The following KLHL14 variants were observed in gnomAD, a reference collection of about 807,000 sequenced individuals.
KLHL14 encodes kelch-like protein 14.
Under a neutral mutation model 64.3 loss-of-function variants are expected in KLHL14, and 22 were observed. The observed-to-expected ratio is 0.34, with a 90% CI of 0.24 to 0.49. The LOEUF (loss-of-function observed/expected upper bound fraction) is 0.49, where lower values mean the gene tolerates loss of function less well. KLHL14 is among the 20% of genes least tolerant of loss of function. The pLI, the probability that KLHL14 is intolerant of heterozygous loss-of-function variation, is 0.99. For missense variants in KLHL14, 661 were observed against 789.0 expected (o/e 0.84, Z 1.94); for synonymous variants, 322 against 333.4 (o/e 0.97, Z 0.37).
At chr18:32,748,219 TTTA>T (rs2050233451) in intron 2 of KLHL14, among the ~76,000 whole-genome samples, 1 of 152,152 alleles carries the variant, frequency 6.6e-6, no homozygotes, top group Non-Finnish European at 1.5e-5. Flanking sequence ...TTTTATTTAT[TTTA>T]TTTTTTTGAG....
chr18:32,707,124 C>T (rs902968649), intron 3 of KLHL14, among the ~76,000 whole-genome samples: 2 of 152,180 alleles, frequency 1.3e-5, no homozygotes, highest in Non-Finnish European at 2.9e-5. Context: ...GTGGGTATAG[C>T]CCATGGGGCA....
At chr18:32,696,689 G>A (rs2049938342) in intron 3 of KLHL14, among the ~76,000 whole-genome samples, 1 of 152,082 alleles carries the variant, frequency 6.6e-6, no homozygotes, top group African/African-American at 2.4e-5. Context: ...GCCAATGCAG[G>A]GAGAGAGAAA....
intron 2 of KLHL14, among the ~76,000 whole-genome samples, chr18:32,759,594 CA>C (rs2050303141): frequency 6.6e-6 from 1 of 152,140 alleles, no homozygotes; most frequent in Non-Finnish European, 1.5e-5. Flanking sequence ...CAAGGAGAAG[CA>C]GCTTGTAAGT....
chr18:32,770,325 C>T lies in KLHL14; in HGVS notation c.267G>A (p.Gln89=). The change falls in exon 2 of 9, where the codon CAG becomes CAA. Residue 89 remains glutamine (Q), a synonymous_variant. Coordinates refer to ENST00000359358, the MANE Select transcript of KLHL14 (RefSeq NM_020805.3). The surrounding 1 kb of genome is among the most constrained non-coding windows in gnomAD (Gnocchi z 6.7). ...GAPKDQQQPP[Q]QQPSQQQQPP... is the part of the protein sequence containing the mutation. Reference sequence around the variant, plus strand: ...GCTGCTGCTGCTGTGACGGCTGCTGCTGCGGCGGCTGCTGCTGGTCCTTGG... The same window carrying T: ...GCTGCTGCTGCTGTGACGGCTGCTGTTGCGGCGGCTGCTGCTGGTCCTTGG... 4.4e-6 allele frequency: 7 copies of T among 1,583,518 alleles called. No homozygotes were observed. The highest frequency in any genetic ancestry group is 6.0e-6 in the Non-Finnish European group (7 of 1,165,272).
At chr18:32,685,448 C>T (rs1015803351) in intron 5 of KLHL14, among the ~76,000 whole-genome samples, 18 of 152,200 alleles carry the variant, frequency 1.2e-4, no homozygotes, top group African/African-American at 4.3e-4. Flanking sequence ...GATGACATTT[C>T]AAACATGTAT....
chr18:32,735,634 C>T (rs1353745337), intron 3 of KLHL14, among the ~76,000 whole-genome samples: 1 of 152,232 alleles, frequency 6.6e-6, no homozygotes. Context: ...GTAATATTCC[C>T]CATGACTCCT....
chr18:32,758,100 T>C (rs2050291473), intron 2 of KLHL14, among the ~76,000 whole-genome samples: 4 of 152,034 alleles, frequency 2.6e-5, no homozygotes, highest in Admixed American at 1.3e-4. Context: ...CTCTCTCTCT[T>C]TTGTATCTTT....
Position 32,770,875 on chromosome 18 carries a change from T to C in KLHL14, c.-43-241A>G. 1 of 471,098 alleles carries C rather than the reference T, an allele frequency of 2.1e-6. No individual in the cohort carries two copies. The highest frequency in any genetic ancestry group is 2.8e-5 in the South Asian group (1 of 35,386). The allele number at this position is 471,098 out of a possible 1,614,324, so 29.2% of individuals were successfully genotyped here. A position where few individuals can be genotyped will look rare whatever the true frequency, so the allele number is the denominator to read the frequency against. On this transcript the variant is annotated intron_variant, in intron 1 of 8. Coordinates refer to ENST00000359358, the MANE Select transcript of KLHL14 (RefSeq NM_020805.3). This position sits in a 1 kb window ranked among gnomAD's most constrained non-coding sequence, Gnocchi z 6.7. ...GGGTCCCGGCGCCGGTTCTGCGCCC[T>C]GCGGCTCCTCTCGCCACCTCCCACA...
chr18:32,764,883 A>AC (rs1271504422), intron 2 of KLHL14, among the ~76,000 whole-genome samples: 2 of 151,762 alleles, frequency 1.3e-5, no homozygotes, highest in East Asian at 3.9e-4. Context: ...CAACTCTCCT[A>AC]ATTTTTTTTT....
intron 3 of KLHL14, among the ~76,000 whole-genome samples, chr18:32,720,438 C>A (rs988714346): frequency 1.3e-5 from 2 of 152,074 alleles, no homozygotes; most frequent in African/African-American, 4.8e-5. Context: ...TTTCTCCCAA[C>A]AGAGAACAAC....
chr18:32,733,889 C>T lies in KLHL14; in HGVS notation c.1069+8039G>A, dbSNP rs2050149505. 6 of 408,900 alleles carry T rather than the reference C, an allele frequency of 1.5e-5. No individual in the cohort carries two copies. In the South Asian group the frequency reaches 2.6e-4, roughly 18 times the overall value. The allele number at this position is 408,900 out of a possible 1,614,324, so 25.3% of individuals were successfully genotyped here. ...CGGTCTTTCCAAATGAACGTGTTTA[C>T]TGGGGTGATCCTGTCCCTATTCCAT... is the stretch of plus-strand genomic sequence containing the variant. On this transcript the variant is annotated intron_variant, in intron 3 of 8. Transcript: ENST00000359358.
Position 32,673,171 on chromosome 18 carries a change from A to G in KLHL14, c.*1486T>C, listed in dbSNP as rs1308968845. The G allele has an allele frequency of 6.6e-6, 1 of 152,590 alleles. No homozygotes were observed. Among genetic ancestry groups the G allele is most frequent in the Non-Finnish European group, 1.5e-5 (1 of 68,028 alleles). The allele number at this position is 152,590 out of a possible 1,614,324, so 9.5% of individuals were successfully genotyped here. ...ACAAAAACAACGAAGATTGCACTTTACTGTAGAAACGGCATCGGATTCCAG... is the reference window on the plus strand; with the variant it reads ...ACAAAAACAACGAAGATTGCACTTTGCTGTAGAAACGGCATCGGATTCCAG... On this transcript the variant is annotated 3_prime_UTR_variant, in exon 9 of 9. Coordinates refer to ENST00000359358, the MANE Select transcript of KLHL14 (RefSeq NM_020805.3).
At chr18:32,719,618 T>G (rs1395661133) in intron 3 of KLHL14, among the ~76,000 whole-genome samples, 2 of 152,232 alleles carry the variant, frequency 1.3e-5, no homozygotes, top group African/African-American at 4.8e-5. Flanking sequence ...GCTCTTGTCG[T>G]TTAGGCACTA....
chr18:32,748,787 G>A (rs2050237700), intron 2 of KLHL14, among the ~76,000 whole-genome samples: 1 of 152,094 alleles, frequency 6.6e-6, no homozygotes, highest in African/African-American at 2.4e-5. Context: ...ACTGGGCCTG[G>A]CCTCTTTGCC....
rs773002603 is a variant in KLHL14, at chr18:32,769,714, A to T, written c.878T>A (p.Leu293Gln). The T allele has an allele frequency of 6.3e-7, 1 of 1,579,700 alleles. No individual in the cohort carries two copies. The highest frequency in any genetic ancestry group is 1.3e-5 in the African/African-American group (1 of 74,154). Residue 293 changes from leucine (L) to glutamine (Q), a missense_variant, in exon 2 of 9, where the codon CTG becomes CAG. Leu to Gln is a moderately radical substitution (Grantham distance 113, BLOSUM62 -2). Coordinates refer to ENST00000359358, the MANE Select transcript of KLHL14 (RefSeq NM_020805.3). Reference protein sequence around the residue: ...FMRTDPVCQKLLLDAMNYHLM... With the variant: ...FMRTDPVCQKQLLDAMNYHLM... ...GTGGTAGTTCATGGCGTCCAGCAGC[A>T]GCTTCTGGCAGACCGGGTCGGTTCG...
At chr18:32,693,731 A>C (rs1330858922) in intron 4 of KLHL14, among the ~76,000 whole-genome samples, 1 of 152,140 alleles carries the variant, frequency 6.6e-6, no homozygotes, top group African/African-American at 2.4e-5. Context: ...CATTTCTCAC[A>C]GCATATTCAC....
chr18:32,693,411 C>CAGAGAGAG (rs1170904090), intron 4 of KLHL14, among the ~76,000 whole-genome samples: 55 of 113,054 alleles, frequency 4.9e-4, no homozygotes, highest in African/African-American at 2.0e-3. Flanking sequence ...CACACACACA[C>CAGAGAGAG]ACAGAGAGAG....
At chr18:32,739,800 C>T (rs530176096) in intron 3 of KLHL14, among the ~76,000 whole-genome samples, 38 of 152,108 alleles carry the variant, frequency 2.5e-4, no homozygotes, top group Middle Eastern at 3.4e-3. Context: ...TCCCTACTCT[C>T]GGGCAGTGGA....
intron 3 of KLHL14, among the ~76,000 whole-genome samples, chr18:32,722,380 G>A (rs7230625): frequency 6.6e-6 from 1 of 151,888 alleles, no homozygotes; most frequent in African/African-American, 2.4e-5. Context: ...ACCAAAAAAC[G>A]AGAGAAGCTT....
Sources: allele counts gnomAD v4.1 joint callset (sites outside exome capture counted in the v4.1 genomes callset), GRCh38; gene constraint gnomAD v4.1.1; non-coding constraint Gnocchi (gnomAD v3.1); transcripts MANE v1.5; gene names NCBI Gene and HGNC (gene_info 2026-07-23, HGNC 2026-07-21).